The following ING3 variants were observed in gnomAD, a reference collection of about 807,000 sequenced individuals.
ING3 encodes inhibitor of growth protein 3.
Under a neutral mutation model 64.8 loss-of-function variants are expected in ING3, and 6 were observed. The observed-to-expected ratio is 0.09, with a 90% confidence interval of 0.05 to 0.18. ING3 has a LOEUF of 0.18. ING3 is among the 10% of genes least tolerant of loss of function. The pLI is 1.00. For missense variants in ING3, 310 were observed against 489.7 expected, an observed-to-expected ratio of 0.63 and a Z score of 3.46; for synonymous variants, 170 against 173.7, an observed-to-expected ratio of 0.98 and a Z score of 0.17.
chr7:120,976,951 CTCA>C lies in ING3; in HGVS notation c.*2111_*2113del, dbSNP rs2116699218. ...ATAATGGGGCCAAACATGGAACTACCTCATCAACCCCCCAAAAATGTGGCCAAC... is the reference window on the plus strand; with the variant it reads ...ATAATGGGGCCAAACATGGAACTACCTCAACCCCCCAAAAATGTGGCCAAC... On this transcript the variant is annotated 3_prime_UTR_variant, in exon 12 of 12. Coordinates refer to ENST00000315870, the MANE Select transcript of ING3 (RefSeq NM_019071.3). The C allele has an allele frequency of 6.6e-6, 1 of 152,274 alleles. No individual in the cohort carries two copies. The highest frequency in any genetic ancestry group is 6.5e-5 in the Admixed American group (1 of 15,300). The allele number at this position is 152,274 out of a possible 1,614,324, so 9.4% of individuals were successfully genotyped here.
At chr7:120,952,408 TTAAA>T (rs1795780801) in intron 2 of ING3, among the ~76,000 whole-genome samples, 1 of 152,246 alleles carries the variant, frequency 6.6e-6, no homozygotes, top group Non-Finnish European at 1.5e-5. Flanking sequence ...AAAGTAGGCA[TTAAA>T]TAAAGGGTAA....
At chr7:120,959,683 T>TC (rs1263501084) in intron 4 of ING3, among the ~76,000 whole-genome samples, 2 of 134,136 alleles carry the variant, frequency 1.5e-5, no homozygotes, top group East Asian at 4.6e-4. Context: ...TCTCACTCTT[T>TC]CGCCCAAGCT....
chr7:120,969,488 G>A (rs1203455831), intron 9 of ING3, among the ~76,000 whole-genome samples: 1 of 150,316 alleles, frequency 6.7e-6, no homozygotes, highest in Admixed American at 6.6e-5. Flanking sequence ...ATCATTTTAT[G>A]GAACTGCTTT....
At chr7:120,970,408 T>C (rs1302352971) in intron 9 of ING3, among the ~76,000 whole-genome samples, 2 of 149,884 alleles carry the variant, frequency 1.3e-5, no homozygotes, top group Non-Finnish European at 3.0e-5. Context: ...GAGCTTGCGG[T>C]GTGCAGAGAT....
intron 4 of ING3, chr7:120,956,934 T>C (rs369372230): frequency 1.9e-6 from 1 of 521,846 alleles, no homozygotes; most frequent in Non-Finnish European, 2.5e-6. Context: ...AAAGATATTT[T>C]GTGTATTTAG....
chr7:120,951,546 A>G (rs1344268996), intron 2 of ING3, among the ~76,000 whole-genome samples: 1 of 152,218 alleles, frequency 6.6e-6, no homozygotes, highest in East Asian at 1.9e-4. Context: ...ACGTCAGCAT[A>G]ATAAATGTTG....
intron 6 of ING3, 111 bp downstream of exon 6, chr7:120,966,808 C>T: frequency 1.3e-6 from 1 of 787,102 alleles, no homozygotes; most frequent in Non-Finnish European, 2.2e-6. Context: ...TAAATCCCTT[C>T]TTTTTTTTTC....
chr7:120,975,821 G>T lies in ING3; in HGVS notation c.*977G>T, dbSNP rs1384983663. 6.6e-6 allele frequency: 1 copy of T among 152,126 alleles called. No homozygotes were observed. Among genetic ancestry groups the T allele is most frequent in the African/African-American group, 2.4e-5 (1 of 41,432 alleles). The allele number at this position is 152,126 out of a possible 1,614,324, so 9.4% of individuals were successfully genotyped here. A position where few individuals can be genotyped will look rare whatever the true frequency, so the allele number is the denominator to read the frequency against. On this transcript the variant is annotated 3_prime_UTR_variant, in exon 12 of 12. Transcript: ENST00000315870. The stretch of plus-strand genomic sequence containing the variant: ...GTTTGTGATATAAGAATACAGGAAA[G>T]ACATTTTTAATGTAAATTTGAAATG...
chr7:120,958,820 G>A (rs1584989675), intron 4 of ING3, among the ~76,000 whole-genome samples: 2 of 152,178 alleles, frequency 1.3e-5, no homozygotes, highest in African/African-American at 2.4e-5. Flanking sequence ...TGTCGTGACC[G>A]TGACTCTGCT....
Position 120,976,105 on chromosome 7 carries a change from G to T in ING3, c.*1261G>T, listed in dbSNP as rs1260976912. On this transcript the variant is annotated 3_prime_UTR_variant, in exon 12 of 12. Coordinates refer to ENST00000315870, the MANE Select transcript of ING3 (RefSeq NM_019071.3). ...TTACTACACCAGGGTGATGCTGACTGCAGAATAGATCTTATTCTAAGGTGC... is the reference window on the plus strand; with the variant it reads ...TTACTACACCAGGGTGATGCTGACTTCAGAATAGATCTTATTCTAAGGTGC... 1 of 152,068 alleles carries T rather than the reference G, an allele frequency of 6.6e-6. No individual in the cohort carries two copies. The highest frequency in any genetic ancestry group is 2.4e-5 in the African/African-American group (1 of 41,392). 9.4% of individuals were successfully genotyped at this position (152,068 alleles called of 1,614,324 possible).
chr7:120,972,196 G>C (rs964422007), intron 10 of ING3, among the ~76,000 whole-genome samples: 15 of 151,572 alleles, frequency 9.9e-5, no homozygotes, highest in African/African-American at 3.6e-4. Context: ...TACTTAGAAG[G>C]GCTTTCTCTT....
intron 4 of ING3, among the ~76,000 whole-genome samples, chr7:120,962,116 T>G (rs1795940617): frequency 6.6e-6 from 1 of 152,200 alleles, no homozygotes; most frequent in Admixed American, 6.5e-5. Flanking sequence ...TTCACAGCTC[T>G]TATTATGGCT....
At chr7:120,953,206 G>T in intron 2 of ING3, 98 bp from the exon 3 acceptor site, 1 of 609,136 alleles carries the variant, frequency 1.6e-6, no homozygotes, top group Non-Finnish European at 2.9e-6. Context: ...AGGTGAAAGA[G>T]TGTGTATTGT....
At chr7:120,962,933 A>G (rs1189374478) in intron 4 of ING3, among the ~76,000 whole-genome samples, 1 of 152,122 alleles carries the variant, frequency 6.6e-6, no homozygotes, top group Non-Finnish European at 1.5e-5. Flanking sequence ...TCTAATTCCT[A>G]TGAAGGCAAT....
intron 11 of ING3, among the ~76,000 whole-genome samples, chr7:120,974,179 C>T (rs1241215318): frequency 1.3e-5 from 2 of 151,310 alleles, no homozygotes; most frequent in African/African-American, 2.4e-5. Context: ...TTCTTATTCC[C>T]AGTTGTGCTC....
chr7:120,970,999 T>G, intron 10 of ING3, 119 bp downstream of exon 10: 1 of 1,048,068 alleles, frequency 9.5e-7, no homozygotes. Flanking sequence ...TTTGTATACT[T>G]TTCTCCCCCT....
chr7:120,966,958 A>G (rs1415920896), intron 6 of ING3, among the ~76,000 whole-genome samples: 1 of 152,156 alleles, frequency 6.6e-6, no homozygotes, highest in Non-Finnish European at 1.5e-5. Context: ...CACATACCTG[A>G]TTCTCCTTAG....
chr7:120,968,270 T>C (rs992761069), intron 8 of ING3, among the ~76,000 whole-genome samples, 179 bp downstream of exon 8: 3 of 152,204 alleles, frequency 2.0e-5, no homozygotes, highest in Non-Finnish European at 4.4e-5. Flanking sequence ...AATTGCCTGA[T>C]TGATAATGAA....
At position 120,976,379 on chromosome 7, in the gene ING3, A is replaced by G. The variant is rs1040975700; in HGVS notation, c.*1535A>G. The G allele has an allele frequency of 1.3e-5, 2 of 152,040 alleles. No homozygotes were observed. Among genetic ancestry groups the G allele is most frequent in the Non-Finnish European group, 2.9e-5 (2 of 67,994 alleles). The allele number at this position is 152,040 out of a possible 1,614,324, so 9.4% of individuals were successfully genotyped here. A position where few individuals can be genotyped will look rare whatever the true frequency, so the allele number is the denominator to read the frequency against. ...GTGAGGTAGATAGGGGATTTCAAAGATCTCTTCCACCTTTGAGATCCCATG... is the reference window on the plus strand; with the variant it reads ...GTGAGGTAGATAGGGGATTTCAAAGGTCTCTTCCACCTTTGAGATCCCATG... On this transcript the variant is annotated 3_prime_UTR_variant, in exon 12 of 12. Coordinates refer to ENST00000315870, the MANE Select transcript of ING3 (RefSeq NM_019071.3).
Sources: gnomAD v4.1 joint callset for allele counts (sites outside exome capture counted in the v4.1 genomes callset) on GRCh38, gnomAD v4.1.1 for gene constraint, MANE v1.5 for transcripts, NCBI Gene and HGNC (gene_info 2026-07-23, HGNC 2026-07-21) for gene names.